Variants in NYAP2 observed in about 807,000 individuals in gnomAD.
The protein encoded by NYAP2 is neuronal tyrosine-phosphorylated phosphoinositide-3-kinase adaptor 2.
In NYAP2, 23 loss-of-function variants were observed where a neutral mutation model predicts 50.4. The observed-to-expected ratio is 0.46, with a 90% CI of 0.33 to 0.65. The LOEUF (loss-of-function observed/expected upper bound fraction) is 0.65. Ranked by LOEUF, NYAP2 falls within the 30% of genes least tolerant of loss-of-function variation. NYAP2 has a pLI of 0.02. For synonymous variants in NYAP2, 394 were observed against 365.2 expected (o/e 1.08, Z -0.90); for missense variants, 885 against 861.0 (o/e 1.03, Z -0.35).
chr2:225,398,624 CAGAGAGAGAG>C (rs55932860), upstream of NYAP2, among the ~76,000 whole-genome samples: 2 of 149,300 alleles, frequency 1.3e-5, no homozygotes, highest in Admixed American at 1.3e-4. Context: ...CTTCATAAGG[CAGAGAGAGAG>C]AGAGAGAGAG....
At chr2:225,449,697 C>A (rs1689619209) in intron 3 of NYAP2, among the ~76,000 whole-genome samples, 1 of 150,890 alleles carries the variant, frequency 6.6e-6, no homozygotes, top group South Asian at 2.1e-4. Flanking sequence ...CAACCTCTGC[C>A]TCCCAGGTTC....
chr2:225,614,650 C>A (rs1318986035), intron 5 of NYAP2, among the ~76,000 whole-genome samples: 2 of 152,034 alleles, frequency 1.3e-5, no homozygotes, highest in Admixed American at 6.6e-5. Flanking sequence ...TGTCAGTATA[C>A]CAATAAAAAC....
intron 3 of NYAP2, among the ~76,000 whole-genome samples, chr2:225,446,286 A>C: frequency 7.3e-6 from 1 of 137,234 alleles, no homozygotes. Flanking sequence ...ATATATGTGG[A>C]ATTAGGAAGC....
chr2:225,556,930 T>A (rs1293537725), intron 4 of NYAP2, among the ~76,000 whole-genome samples: 2 of 152,196 alleles, frequency 1.3e-5, no homozygotes, highest in Non-Finnish European at 2.9e-5. Context: ...GTGCTCAACC[T>A]CGGACCATTG....
chr2:225,559,276 C>T (rs940740251), intron 4 of NYAP2, among the ~76,000 whole-genome samples: 2 of 151,576 alleles, frequency 1.3e-5, no homozygotes, highest in Non-Finnish European at 2.9e-5. Context: ...AAAAGCTTGC[C>T]AACTCCATCG....
chr2:225,499,804 A>G (rs538046387), intron 3 of NYAP2, among the ~76,000 whole-genome samples: 1 of 152,326 alleles, frequency 6.6e-6, no homozygotes, highest in South Asian at 2.1e-4. Context: ...TGTGAATTAA[A>G]GATGAATGAA....
At position 225,507,825 on chromosome 2, in the gene NYAP2, A is replaced by G. The variant is rs142704059; in HGVS notation, c.222-5546A>G. Among the ~76,000 whole-genome samples the G allele has an allele frequency of 4.1e-3, 631 of 152,348 alleles. 14 individuals are homozygous for G. Among genetic ancestry groups the G allele is most frequent in the Admixed American group, 0.037 (573 of 15,302 alleles). ...CAGTATATCAGGTAAATTTGATACC[A>G]GTTTGACGGGGCCAATGCCGCTATT... On this transcript the variant is annotated intron_variant, in intron 3 of 6. Coordinates refer to ENST00000636099, the Ensembl canonical transcript of NYAP2.
chr2:225,480,355 C>A (rs1416145711), intron 3 of NYAP2, among the ~76,000 whole-genome samples: 1 of 151,750 alleles, frequency 6.6e-6, no homozygotes, highest in Non-Finnish European at 1.5e-5. Flanking sequence ...TGATACAAAC[C>A]AAAATGTACT....
At chr2:225,591,399 T>G (rs1692499870) in intron 5 of NYAP2, among the ~76,000 whole-genome samples, 2 of 152,018 alleles carry the variant, frequency 1.3e-5, no homozygotes, top group Admixed American at 6.6e-5. Context: ...CTCAAACAGG[T>G]TTGTCTCAGG....
intron 4 of NYAP2, among the ~76,000 whole-genome samples, chr2:225,529,638 A>C (rs1559205864): frequency 6.7e-6 from 1 of 149,156 alleles, no homozygotes; most frequent in African/African-American, 2.5e-5. Context: ...GCCTATATTT[A>C]TATAAGCATG....
chr2:225,658,027 C>G (rs1165807519), downstream of NYAP2, among the ~76,000 whole-genome samples: 1 of 152,104 alleles, frequency 6.6e-6, no homozygotes, highest in East Asian at 1.9e-4. Flanking sequence ...CCTATCAGAC[C>G]TGAACTGAGA....
intron 3 of NYAP2, among the ~76,000 whole-genome samples, chr2:225,444,628 T>C (rs1157663302): frequency 1.3e-5 from 2 of 152,204 alleles, no homozygotes; most frequent in African/African-American, 4.8e-5. Context: ...ATTCTTTATT[T>C]TGATAATGAA....
In NYAP2 at chr2:225,545,330, C is replaced by A. The variant is rs185579337; in HGVS notation, c.523+31658C>A. On this transcript the variant is annotated intron_variant, in intron 4 of 6. Transcript: ENST00000636099. ...AAGGCCAATCACTCTTAGATTCGCC[C>A]TTTTGAGGCCATTTTATACATTTTA... Among the ~76,000 whole-genome samples, 277 of 152,142 alleles carry A rather than the reference C, an allele frequency of 1.8e-3. 1 individual carries two copies. Among genetic ancestry groups the A allele is most frequent in the Non-Finnish European group, 3.0e-3 (206 of 68,008 alleles).
upstream of NYAP2, among the ~76,000 whole-genome samples, chr2:225,398,146 T>A (rs1225781451): frequency 6.6e-6 from 1 of 152,014 alleles, no homozygotes; most frequent in African/African-American, 2.4e-5. Flanking sequence ...GTTTGGATTA[T>A]TTTGGTGCAT....
chr2:225,561,829 G>A (rs995236615), intron 4 of NYAP2, among the ~76,000 whole-genome samples: 3 of 151,912 alleles, frequency 2.0e-5, no homozygotes, highest in African/African-American at 7.3e-5. Context: ...ATCATGTTAT[G>A]TTGACAGTAA....
chr2:225,595,525 A>G (rs976911348), intron 5 of NYAP2, among the ~76,000 whole-genome samples: 1 of 152,264 alleles, frequency 6.6e-6, no homozygotes, highest in Non-Finnish European at 1.5e-5. Flanking sequence ...CTTACCAATA[A>G]TTAATGACAA....
intron 5 of NYAP2, among the ~76,000 whole-genome samples, chr2:225,623,259 T>G (rs1463450808): frequency 6.6e-6 from 1 of 152,218 alleles, no homozygotes; most frequent in Non-Finnish European, 1.5e-5. Context: ...GAAGGCTTTA[T>G]GGGGGAAAAA....
At chr2:225,482,902 C>T (rs930934600) in intron 3 of NYAP2, among the ~76,000 whole-genome samples, 7 of 152,104 alleles carry the variant, frequency 4.6e-5, no homozygotes, top group African/African-American at 1.7e-4. Flanking sequence ...AGACAAAGCC[C>T]ATGGATCCAT....
chr2:225,601,011 T>C (rs1692681730), intron 5 of NYAP2, among the ~76,000 whole-genome samples: 1 of 152,226 alleles, frequency 6.6e-6, no homozygotes, highest in South Asian at 2.1e-4. Context: ...ATACAAAATA[T>C]GTGATGGACA....
Sources: allele counts gnomAD v4.1 joint callset (sites outside exome capture counted in the v4.1 genomes callset), GRCh38; gene constraint gnomAD v4.1.1; transcripts MANE v1.5; gene names NCBI Gene and HGNC (gene_info 2026-07-23, HGNC 2026-07-21).